Variants in LOC128462377 observed in about 807,000 individuals in gnomAD.
chr16:89,346,388 G>T, the LOC128462377 span, among the ~76,000 whole-genome samples: 3 of 151,980 alleles, frequency 2.0e-5, no homozygotes, highest in Non-Finnish European at 4.4e-5. Context: ...AGATCTGAAA[G>T]CAAGACCAAG....
chr16:89,336,661 C>G, the LOC128462377 span, among the ~76,000 whole-genome samples: 1 of 152,136 alleles, frequency 6.6e-6, no homozygotes, highest in African/African-American at 2.4e-5. Flanking sequence ...CCGGGTGGGC[C>G]ACGACAGGGA....
At chr16:89,351,605 T>C in the LOC128462377 span, among the ~76,000 whole-genome samples, 1 of 152,210 alleles carries the variant, frequency 6.6e-6, no homozygotes, top group Non-Finnish European at 1.5e-5. Flanking sequence ...GTGTTTGGCA[T>C]TGAGGCAATG....
chr16:89,330,612 T>A, the LOC128462377 span, among the ~76,000 whole-genome samples: 1 of 127,202 alleles, frequency 7.9e-6, no homozygotes, highest in African/African-American at 3.0e-5. Flanking sequence ...AGGGGCTGCG[T>A]GAGGGTCCTC....
the LOC128462377 span, among the ~76,000 whole-genome samples, chr16:89,364,973 T>C: frequency 6.6e-6 from 1 of 152,228 alleles, no homozygotes; most frequent in African/African-American, 2.4e-5. Context: ...TTTTCAAATT[T>C]TGGCATGGAA....
the LOC128462377 span, among the ~76,000 whole-genome samples, chr16:89,330,489 C>T: frequency 2.6e-5 from 4 of 151,866 alleles, no homozygotes; most frequent in Admixed American, 2.0e-4. Context: ...TGGACATGTC[C>T]GTGGGGCTAC....
At chr16:89,389,305 G>A in the LOC128462377 span, among the ~76,000 whole-genome samples, 19 of 151,968 alleles carry the variant, frequency 1.3e-4, no homozygotes, top group South Asian at 1.9e-3. Flanking sequence ...GATTACAGGC[G>A]TGAGCCACCA....
At chr16:89,412,610 GCATC>G in the LOC128462377 span, 1 of 152,098 alleles carries the variant, frequency 6.6e-6, no homozygotes, top group African/African-American at 2.4e-5. Flanking sequence ...TGGTGTTTTT[GCATC>G]CATAAAGTTC....
chr16:89,409,022 G>C, the LOC128462377 span, among the ~76,000 whole-genome samples: 1 of 152,140 alleles, frequency 6.6e-6, no homozygotes, highest in Admixed American at 6.5e-5. Context: ...AAACCAAAAA[G>C]AGCCACAGCC....
the LOC128462377 span, among the ~76,000 whole-genome samples, chr16:89,369,207 T>A: frequency 6.6e-6 from 1 of 152,114 alleles, no homozygotes; most frequent in African/African-American, 2.4e-5. Context: ...GAAACAATAA[T>A]CTTCAAAGGG....
chr16:89,381,331 CAAAAAAAAAAAAAA>C, the LOC128462377 span, among the ~76,000 whole-genome samples: 4 of 76,354 alleles, frequency 5.2e-5, no homozygotes, highest in Admixed American at 1.7e-4. Flanking sequence ...GACTCTGCTG[CAAAAAAAAAAAAAA>C]AAAAAAAAAG....
the LOC128462377 span, among the ~76,000 whole-genome samples, chr16:89,407,043 G>A: frequency 6.5e-4 from 99 of 152,088 alleles, no homozygotes; most frequent in African/African-American, 2.2e-3. Context: ...AAAATTAGCC[G>A]GACATGGTGG....
the LOC128462377 span, among the ~76,000 whole-genome samples, chr16:89,394,277 C>T: frequency 7.9e-5 from 12 of 152,188 alleles, no homozygotes; most frequent in Admixed American, 5.2e-4. Context: ...AGCAGCCGTC[C>T]GCCTCTCCTC....
chr16:89,331,658 T>A, the LOC128462377 span, among the ~76,000 whole-genome samples: 1 of 152,204 alleles, frequency 6.6e-6, no homozygotes, highest in East Asian at 1.9e-4. Context: ...GTCTCCTCTG[T>A]CGCCCAGGCT....
the LOC128462377 span, chr16:89,323,816 G>A: frequency 4.2e-6 from 1 of 237,416 alleles, no homozygotes; most frequent in South Asian, 4.9e-5. Flanking sequence ...ACCAACTGTG[G>A]GGTTCCAGCT....
chr16:89,402,437 G>T, the LOC128462377 span, among the ~76,000 whole-genome samples: 2 of 152,104 alleles, frequency 1.3e-5, no homozygotes, highest in Non-Finnish European at 2.9e-5. Context: ...CCTAACACAT[G>T]AGGAAGCCGA....
chr16:89,329,397 A>G, the LOC128462377 span, among the ~76,000 whole-genome samples: 1 of 152,214 alleles, frequency 6.6e-6, no homozygotes. Context: ...CACAGAAAAA[A>G]GGAAAAAAAA....
chr16:89,393,716 C>T, the LOC128462377 span, among the ~76,000 whole-genome samples: 1 of 151,864 alleles, frequency 6.6e-6, no homozygotes, highest in African/African-American at 2.4e-5. Context: ...GCAGCCGGGC[C>T]GATGGAAACA....
At chr16:89,367,695 GT>G in the LOC128462377 span, among the ~76,000 whole-genome samples, 1 of 152,180 alleles carries the variant, frequency 6.6e-6, no homozygotes, top group African/African-American at 2.4e-5. Flanking sequence ...ACAGCTGCAG[GT>G]TTTTTGCAGA....
chr16:89,342,393 G>A, the LOC128462377 span, among the ~76,000 whole-genome samples: 3 of 152,228 alleles, frequency 2.0e-5, no homozygotes, highest in Non-Finnish European at 4.4e-5. Flanking sequence ...TTGAGGCCTT[G>A]GGAAGACAGC....
Sources: gnomAD v4.1 joint callset for allele counts (sites outside exome capture counted in the v4.1 genomes callset) on GRCh38, gnomAD v4.1.1 for gene constraint, MANE v1.5 for transcripts.